Variants in APBB2 observed in about 807,000 individuals in gnomAD.
The protein encoded by APBB2 is amyloid beta precursor protein binding family B member 2.
Under a neutral mutation model 82.5 loss-of-function variants are expected in APBB2, and 38 were observed. The observed-to-expected ratio is 0.46, with a 90% CI of 0.36 to 0.60. The LOEUF is 0.60. APBB2 is among the 20% of genes least tolerant of loss of function. The probability of loss-of-function intolerance (pLI) is 0.00; values close to 1 mark genes in which losing one functional copy is unlikely to be tolerated. For synonymous variants in APBB2, 341 were observed against 368.2 expected, an observed-to-expected ratio of 0.93 and a Z score of 0.85; for missense variants, 772 against 972.3, an observed-to-expected ratio of 0.79 and a Z score of 2.74.
chr4:40,824,661 G>C (rs530078018), intron 15 of APBB2, among the ~76,000 whole-genome samples: 5 of 151,936 alleles, frequency 3.3e-5, no homozygotes, highest in Non-Finnish European at 7.4e-5. Context: ...CTAATTTTTT[G>C]AATTTTTTTT....
At chr4:40,960,219 AGAG>A (rs1792722604) in intron 6 of APBB2, among the ~76,000 whole-genome samples, 1 of 152,152 alleles carries the variant, frequency 6.6e-6, no homozygotes, top group African/African-American at 2.4e-5. Context: ...TAAAGGGATC[AGAG>A]TAAAAGCTTC....
At chr4:40,915,576 G>A (rs1427767561) in intron 10 of APBB2, among the ~76,000 whole-genome samples, 2 of 152,176 alleles carry the variant, frequency 1.3e-5, no homozygotes, top group Non-Finnish European at 2.9e-5. Flanking sequence ...TTCTAAGAAA[G>A]GTTTTACTGT....
At chr4:40,937,687 C>T (rs943273724) in intron 7 of APBB2, among the ~76,000 whole-genome samples, 2 of 152,158 alleles carry the variant, frequency 1.3e-5, no homozygotes, top group African/African-American at 4.8e-5. Flanking sequence ...CCTATATTTA[C>T]AACTATTCAT....
At chr4:41,005,519 C>T (rs1374323297) in intron 6 of APBB2, among the ~76,000 whole-genome samples, 2 of 152,082 alleles carry the variant, frequency 1.3e-5, no homozygotes, top group Non-Finnish European at 2.9e-5. Context: ...TCTCTCTGAT[C>T]CCACTGAGCC....
At chr4:41,025,266 A>C (rs1398454600) in intron 5 of APBB2, among the ~76,000 whole-genome samples, 1 of 152,254 alleles carries the variant, frequency 6.6e-6, no homozygotes, top group Admixed American at 6.5e-5. Context: ...CATTTGGCCA[A>C]GAAGCATATG....
chr4:40,934,890 C>G, intron 8 of APBB2, 187 bp downstream of exon 8: 1 of 676,982 alleles, frequency 1.5e-6, no homozygotes. Context: ...AACGGGGAAC[C>G]TAGGGCATTC....
At chr4:40,874,406 G>C (rs1766318533) in intron 12 of APBB2, among the ~76,000 whole-genome samples, 1 of 152,138 alleles carries the variant, frequency 6.6e-6, no homozygotes, top group Non-Finnish European at 1.5e-5. Flanking sequence ...CAAAGAAGTA[G>C]AGATTTCCTT....
intron 1 of APBB2, among the ~76,000 whole-genome samples, chr4:41,185,033 T>C (rs1362123608): frequency 2.0e-5 from 3 of 152,086 alleles, no homozygotes; most frequent in African/African-American, 4.8e-5. Flanking sequence ...TTCACTAGAG[T>C]GTAATCTTAC....
chr4:41,082,619 C>T (rs1738074643), intron 3 of APBB2, among the ~76,000 whole-genome samples: 1 of 149,604 alleles, frequency 6.7e-6, no homozygotes, highest in African/African-American at 2.5e-5. Flanking sequence ...GTCACCCAGG[C>T]TGAAGTACAA....
intron 11 of APBB2, chr4:40,890,713 G>T: frequency 4.2e-6 from 2 of 478,442 alleles, no homozygotes; most frequent in Non-Finnish European, 7.3e-6. Context: ...CCTCTGAAAT[G>T]TGTCCCCATC....
At chr4:41,026,938 C>CAAA (rs879931049) in intron 5 of APBB2, among the ~76,000 whole-genome samples, 2 of 150,726 alleles carry the variant, frequency 1.3e-5, no homozygotes. Flanking sequence ...TCAGGTCTCT[C>CAAA]AAAAAAAAAG....
At chr4:41,036,465 A>G (rs1719210917) in intron 4 of APBB2, among the ~76,000 whole-genome samples, 1 of 152,170 alleles carries the variant, frequency 6.6e-6, no homozygotes, top group South Asian at 2.1e-4. Context: ...TTTACTCCAT[A>G]CCTGCCATGT....
At chr4:40,926,672 C>T (rs529666883) in intron 10 of APBB2, among the ~76,000 whole-genome samples, 333 of 152,274 alleles carry the variant, frequency 2.2e-3, no homozygotes, top group African/African-American at 7.6e-3. Context: ...AGGCTAGTCT[C>T]GAAATCTTGA....
intron 6 of APBB2, among the ~76,000 whole-genome samples, chr4:40,948,442 C>T (rs917637922): frequency 9.2e-5 from 14 of 151,990 alleles, no homozygotes; most frequent in African/African-American, 3.1e-4. Context: ...CTTGTTGGCA[C>T]GTGCCTGTAG....
At chr4:41,107,342 A>G (rs1479714115) in intron 2 of APBB2, among the ~76,000 whole-genome samples, 1 of 152,196 alleles carries the variant, frequency 6.6e-6, no homozygotes, top group Non-Finnish European at 1.5e-5. Context: ...GAACTATAAT[A>G]CATTGGATTA....
At chr4:41,096,878 T>A (rs1743649360) in intron 3 of APBB2, among the ~76,000 whole-genome samples, 1 of 152,214 alleles carries the variant, frequency 6.6e-6, no homozygotes, top group African/African-American at 2.4e-5. Flanking sequence ...TTAAGTTCCC[T>A]AAAAGGAAGG....
chr4:41,001,211 C>T (rs564012701), intron 6 of APBB2, among the ~76,000 whole-genome samples: 1 of 152,302 alleles, frequency 6.6e-6, no homozygotes, highest in South Asian at 2.1e-4. Context: ...GGAACTGGGA[C>T]ATTTTCCCCT....
chr4:41,082,692 A>G (rs1738105305), intron 3 of APBB2, among the ~76,000 whole-genome samples: 1 of 151,880 alleles, frequency 6.6e-6, no homozygotes, highest in South Asian at 2.1e-4. Context: ...CTCCAAAGTT[A>G]TATTTCATAA....
chr4:41,042,262 T>C (rs1056078421), intron 4 of APBB2, among the ~76,000 whole-genome samples: 3 of 152,224 alleles, frequency 2.0e-5, no homozygotes, highest in Non-Finnish European at 2.9e-5. Flanking sequence ...GTGCTAGGAT[T>C]ACAGGCGTGA....
Sources: allele counts gnomAD v4.1 joint callset (sites outside exome capture counted in the v4.1 genomes callset), GRCh38; gene constraint gnomAD v4.1.1; transcripts MANE v1.5; gene names NCBI Gene and HGNC (gene_info 2026-07-23, HGNC 2026-07-21).